Variants in HPSE2 observed in about 807,000 individuals in gnomAD.
HPSE2 encodes the protein inactive heparanase-2.
In HPSE2, 38 loss-of-function variants were observed where a neutral mutation model predicts 60.5. That is an observed-to-expected ratio of 0.63 (90% CI 0.48 to 0.82). The LOEUF (loss-of-function observed/expected upper bound fraction) is 0.82, where lower values mean the gene tolerates loss of function less well. Among genes scored for constraint, HPSE2 ranks in the 40% least tolerant of loss-of-function variants. The pLI, the probability that HPSE2 is intolerant of heterozygous loss-of-function variation, is 0.00. For synonymous variants in HPSE2, 295 were observed against 293.2 expected, an observed-to-expected ratio of 1.01 and a Z score of -0.06; for missense variants, 713 against 740.4, an observed-to-expected ratio of 0.96 and a Z score of 0.43.
intron 3 of HPSE2, among the ~76,000 whole-genome samples, chr10:98,934,529 C>T (rs903282075): frequency 6.9e-6 from 1 of 144,242 alleles, no homozygotes; most frequent in Non-Finnish European, 1.5e-5. Context: ...TTCTCTTCTG[C>T]TTATGAAACT....
rs142207514 is a variant in HPSE2 at position 98,992,795 on chromosome 10, C to T, written c.610+151443G>A. On this transcript the variant is annotated intron_variant, in intron 3 of 11. Coordinates refer to ENST00000370552, the MANE Select transcript of HPSE2 (RefSeq NM_021828.5). ...TTAAAATGTGATGCAGGAATCAAAA[C>T]ACCTTCATACTGTACTGGCCAGAAG... Among the ~76,000 whole-genome samples, 9 of 152,320 alleles carry T rather than the reference C, an allele frequency of 5.9e-5. No individual in the cohort carries two copies. The East Asian group carries it at 1.7e-3, about 29-fold the overall frequency.
intron 9 of HPSE2, among the ~76,000 whole-genome samples, chr10:98,519,389 T>C (rs1035189762): frequency 1.3e-5 from 2 of 152,250 alleles, no homozygotes; most frequent in African/African-American, 4.8e-5. Context: ...CTTTGGATGT[T>C]GGTGGGCAAA....
At chr10:99,234,859 G>T (rs1469714795) in intron 1 of HPSE2, among the ~76,000 whole-genome samples, 2 of 151,854 alleles carry the variant, frequency 1.3e-5, no homozygotes, top group African/African-American at 2.4e-5. Flanking sequence ...AGGAACTGGC[G>T]GGGGGAGGGG....
At chr10:98,726,981 C>T (rs1009104761) in intron 4 of HPSE2, among the ~76,000 whole-genome samples, 1 of 152,080 alleles carries the variant, frequency 6.6e-6, no homozygotes, top group Non-Finnish European at 1.5e-5. Flanking sequence ...CTTACTGGCT[C>T]ACGGGAATTA....
chr10:98,623,874 G>A (rs569297533), intron 7 of HPSE2, among the ~76,000 whole-genome samples: 3 of 152,220 alleles, frequency 2.0e-5, no homozygotes, highest in Admixed American at 6.5e-5. Context: ...CTCAGAGTTG[G>A]TCATCTCAGA....
At position 99,002,194 on chromosome 10, in the gene HPSE2, A is replaced by T. The variant is rs1192882050; in HGVS notation, c.610+142044T>A. 1.4e-4 allele frequency among the ~76,000 whole-genome samples: 22 copies of T among 152,164 alleles called. No homozygotes were observed. In the East Asian group the frequency reaches 3.9e-3, roughly 27 times the overall value. ...TTATAACCCAAAATATAAAATAAAT[A>T]TCCATATTCACTATTAATAAGCAAT... is the stretch of plus-strand genomic sequence containing the variant. On this transcript the variant is annotated intron_variant, in intron 3 of 11. Coordinates refer to ENST00000370552, the MANE Select transcript of HPSE2 (RefSeq NM_021828.5).
intron 9 of HPSE2, among the ~76,000 whole-genome samples, chr10:98,555,939 C>T (rs1224496693): frequency 1.3e-5 from 2 of 152,162 alleles, no homozygotes; most frequent in African/African-American, 4.8e-5. Context: ...GTCCTGAAAA[C>T]TGTCACAGCC....
chr10:99,235,808 C>T lies in HPSE2; in HGVS notation c.-6G>A. 1 of 1,612,072 alleles carries T rather than the reference C, an allele frequency of 6.2e-7. No individual in the cohort carries two copies. Reference sequence around the variant, plus strand: ...AAGGCACAAAGCACCCTCATTCAATCCCTCTGATTTAAACCTCTCTTCCTA... The same window carrying T: ...AAGGCACAAAGCACCCTCATTCAATTCCTCTGATTTAAACCTCTCTTCCTA... On this transcript the variant is annotated 5_prime_UTR_variant, in exon 1 of 12. Coordinates refer to ENST00000370552, the MANE Select transcript of HPSE2 (RefSeq NM_021828.5).
intron 9 of HPSE2, among the ~76,000 whole-genome samples, chr10:98,502,393 C>A (rs1367564534): frequency 6.6e-6 from 1 of 152,086 alleles, no homozygotes; most frequent in African/African-American, 2.4e-5. Context: ...AGGAATCAAC[C>A]CACATACTTA....
At chr10:98,851,464 C>T (rs979047306) in intron 3 of HPSE2, among the ~76,000 whole-genome samples, 1 of 152,170 alleles carries the variant, frequency 6.6e-6, no homozygotes, top group Non-Finnish European at 1.5e-5. Context: ...GTTCCATAAC[C>T]AACACCTGCT....
intron 9 of HPSE2, among the ~76,000 whole-genome samples, chr10:98,602,527 C>T (rs931690918): frequency 1.3e-5 from 2 of 152,040 alleles, no homozygotes; most frequent in Admixed American, 1.3e-4. Flanking sequence ...AAGTTTAATA[C>T]AAAACTACAG....
chr10:99,253,857 T>G, the HPSE2 span, among the ~76,000 whole-genome samples: 2 of 151,162 alleles, frequency 1.3e-5, no homozygotes, highest in South Asian at 4.2e-4. Flanking sequence ...CATTTAAGAG[T>G]GTTCCACATA....
intron 3 of HPSE2, among the ~76,000 whole-genome samples, chr10:99,102,950 T>C (rs1379459841): frequency 6.6e-6 from 1 of 152,134 alleles, no homozygotes; most frequent in Non-Finnish European, 1.5e-5. Context: ...TGCTAAAAAC[T>C]CTCAATACAT....
chr10:99,032,716 CT>C (rs902167486), intron 3 of HPSE2, among the ~76,000 whole-genome samples: 4 of 152,174 alleles, frequency 2.6e-5, no homozygotes, highest in African/African-American at 9.7e-5. Flanking sequence ...ATTGGGAAGG[CT>C]GCATTCCATT....
At chr10:99,137,805 C>T (rs534698518) in intron 3 of HPSE2, among the ~76,000 whole-genome samples, 4 of 152,244 alleles carry the variant, frequency 2.6e-5, no homozygotes, top group African/African-American at 7.2e-5. Flanking sequence ...AAAACCTGGG[C>T]AATACCATTC....
At chr10:98,817,614 A>G (rs1035020581) in intron 3 of HPSE2, among the ~76,000 whole-genome samples, 3 of 152,168 alleles carry the variant, frequency 2.0e-5, no homozygotes, top group Non-Finnish European at 4.4e-5. Flanking sequence ...TTCTTCTACT[A>G]ACTCTCACTC....
intron 3 of HPSE2, among the ~76,000 whole-genome samples, chr10:99,099,533 G>A (rs1398630976): frequency 6.6e-6 from 1 of 152,214 alleles, no homozygotes; most frequent in African/African-American, 2.4e-5. Flanking sequence ...GCTAAAGGAA[G>A]CCTGCCTGCC....
At chr10:98,680,850 G>T (rs1227279069) in intron 6 of HPSE2, among the ~76,000 whole-genome samples, 1 of 151,964 alleles carries the variant, frequency 6.6e-6, no homozygotes, top group Non-Finnish European at 1.5e-5. Context: ...CCGCCTCCTG[G>T]GCTCAAGCAA....
At chr10:98,599,832 G>A (rs926036140) in intron 9 of HPSE2, among the ~76,000 whole-genome samples, 1 of 152,134 alleles carries the variant, frequency 6.6e-6, no homozygotes, top group African/African-American at 2.4e-5. Context: ...TCAAATGGAT[G>A]TTTCCACAGG....
Sources: gnomAD v4.1 joint callset for allele counts (sites outside exome capture counted in the v4.1 genomes callset) on GRCh38, gnomAD v4.1.1 for gene constraint, MANE v1.5 for transcripts, NCBI Gene and HGNC (gene_info 2026-07-23, HGNC 2026-07-21) for gene names.